ORC4: variants seen among roughly 807,000 people sequenced by gnomAD.
ORC4 encodes origin recognition complex subunit 4, also known as origin recognition complex, subunit 4 homolog.
Under a neutral mutation model 63.9 loss-of-function variants are expected in ORC4, and 55 were observed. The ratio of observed to expected loss-of-function variants is 0.86; its 90% CI spans 0.69 to 1.08. ORC4 has a LOEUF of 1.08. ORC4 is among the 50% of genes least tolerant of loss of function. The pLI is 0.00. For synonymous variants in ORC4, 150 were observed against 168.5 expected, an observed-to-expected ratio of 0.89 and a Z score of 0.85; for missense variants, 511 against 504.4, an observed-to-expected ratio of 1.01 and a Z score of -0.13.
At chr2:147,945,090 T>C (rs1688584836) in intron 9 of ORC4, among the ~76,000 whole-genome samples, 1 of 152,102 alleles carries the variant, frequency 6.6e-6, no homozygotes. Context: ...AGGCAAACTA[T>C]AGTCTTGGTT....
chr2:147,948,312 C>T (rs944681197), intron 8 of ORC4, 88 bp from the exon 9 acceptor site: 2 of 796,114 alleles, frequency 2.5e-6, no homozygotes, highest in Admixed American at 2.4e-5. Flanking sequence ...TATAAGTAAA[C>T]TATCACCTAT....
At chr2:147,967,714 A>G (rs1479090034) in intron 4 of ORC4, among the ~76,000 whole-genome samples, 1 of 152,092 alleles carries the variant, frequency 6.6e-6, no homozygotes, top group Non-Finnish European at 1.5e-5. Context: ...TGTTAAAATT[A>G]CTATATTACC....
At chr2:147,976,829 T>TA (rs1273620150) in intron 1 of ORC4, among the ~76,000 whole-genome samples, 1 of 152,136 alleles carries the variant, frequency 6.6e-6, no homozygotes, top group Non-Finnish European at 1.5e-5. Context: ...CTAAGCATTG[T>TA]AGCATAATGC....
chr2:148,004,241 C>T (rs1051128865), intron 1 of ORC4, among the ~76,000 whole-genome samples: 2 of 152,114 alleles, frequency 1.3e-5, no homozygotes, highest in Middle Eastern at 3.4e-3. Flanking sequence ...ACTTTCTTCA[C>T]AGAATTAGAA....
chr2:147,947,931 A>T, intron 9 of ORC4, 120 bp downstream of exon 9: 1 of 772,832 alleles, frequency 1.3e-6, no homozygotes. Context: ...GTATTACTGC[A>T]GCATTATCCT....
At chr2:147,981,072 A>G (rs1229566299) in intron 1 of ORC4, among the ~76,000 whole-genome samples, 2 of 152,242 alleles carry the variant, frequency 1.3e-5, no homozygotes, top group African/African-American at 4.8e-5. Flanking sequence ...TTGCAGCAAC[A>G]TAGATGCATT....
rs1277779120 is a variant in ORC4 at position 147,931,121 on chromosome 2, C to G, written c.*4389G>C. ...AATATGCGGTGTTTGGTTTTTTGTT[C>G]TTGTGATAGTTTACTGAGAATGATG... On this transcript the variant is annotated 3_prime_UTR_variant, in exon 14 of 14. Transcript: ENST00000392857. The G allele has an allele frequency of 6.9e-6, 1 of 145,620 alleles. No individual in the cohort carries two copies. The highest frequency in any genetic ancestry group is 1.5e-5 in the Non-Finnish European group (1 of 66,732). The allele number at this position is 145,620 out of a possible 1,614,324, so 9.0% of individuals were successfully genotyped here.
chr2:147,997,791 A>T (rs1002068198), intron 1 of ORC4, among the ~76,000 whole-genome samples: 1 of 152,184 alleles, frequency 6.6e-6, no homozygotes, highest in Non-Finnish European at 1.5e-5. Flanking sequence ...TAACTTTAAA[A>T]ATTTTCTTGC....
chr2:148,021,027 G>T (rs561107364), upstream of ORC4: 4 of 152,042 alleles, frequency 2.6e-5, no homozygotes, highest in East Asian at 7.9e-4. Context: ...CCAGCCACCC[G>T]TCAGAGAGGG....
Position 147,933,284 on chromosome 2 carries a change from T to C in ORC4, c.*2226A>G, listed in dbSNP as rs1268902520. 1.3e-5 allele frequency: 2 copies of C among 152,086 alleles called. No individual in the cohort carries two copies. The highest frequency in any genetic ancestry group is 4.8e-5 in the African/African-American group (2 of 41,436). The allele number at this position is 152,086 out of a possible 1,614,324, so 9.4% of individuals were successfully genotyped here. A position where few individuals can be genotyped will look rare whatever the true frequency, so the allele number is the denominator to read the frequency against. On this transcript the variant is annotated 3_prime_UTR_variant, in exon 14 of 14. Coordinates refer to ENST00000392857, the MANE Select transcript of ORC4 (RefSeq NM_181741.4). ...GGTTTTTCATATTTGTTTTTATTGA[T>C]GACAATTAAAGCAATTTAAGAGACG... is the stretch of plus-strand genomic sequence containing the variant.
chr2:147,989,343 T>TA (rs778226263), intron 1 of ORC4, among the ~76,000 whole-genome samples: 7 of 152,180 alleles, frequency 4.6e-5, no homozygotes, highest in Non-Finnish European at 1.0e-4. Flanking sequence ...TGGGCCTGCA[T>TA]ACCTCAGAGC....
In ORC4 at chr2:147,935,303, T is replaced by A. The variant is rs572171591; in HGVS notation, c.*207A>T. 149 of 582,592 alleles carry A rather than the reference T, an allele frequency of 2.6e-4. No individual in the cohort carries two copies. The highest frequency in any genetic ancestry group is 2.5e-3 in the African/African-American group (135 of 53,766). The allele number at this position is 582,592 out of a possible 1,614,324, so 36.1% of individuals were successfully genotyped here. A position where few individuals can be genotyped will look rare whatever the true frequency, so the allele number is the denominator to read the frequency against. ...TATTTTATTCTTCTGAACAGCTACT[T>A]ACAAAGTAATCTCAATCAGTGAAAT... On this transcript the variant is annotated 3_prime_UTR_variant, in exon 14 of 14. Transcript: ENST00000392857.
chr2:148,011,928 T>C (rs553024280), intron 1 of ORC4, among the ~76,000 whole-genome samples: 6 of 151,994 alleles, frequency 3.9e-5, no homozygotes, highest in South Asian at 2.1e-4. Context: ...CTATCAAACA[T>C]TGATGAAATT....
intron 4 of ORC4, among the ~76,000 whole-genome samples, chr2:147,961,295 C>T (rs1689574715): frequency 6.6e-6 from 1 of 151,764 alleles, no homozygotes; most frequent in Admixed American, 6.6e-5. Context: ...AAAAACTTAG[C>T]TGGGTGTGGT....
intron 1 of ORC4, among the ~76,000 whole-genome samples, chr2:148,002,479 T>A (rs1692377105): frequency 6.6e-6 from 1 of 151,976 alleles, no homozygotes. Flanking sequence ...TGCACAACTA[T>A]GTGGAAACTG....
At chr2:148,010,608 C>T (rs1333135839) in intron 1 of ORC4, among the ~76,000 whole-genome samples, 1 of 152,028 alleles carries the variant, frequency 6.6e-6, no homozygotes, top group Non-Finnish European at 1.5e-5. Context: ...CGAATAAATT[C>T]CTAGGCACAT....
chr2:147,985,877 C>T (rs1430543055), intron 1 of ORC4, among the ~76,000 whole-genome samples: 2 of 152,014 alleles, frequency 1.3e-5, no homozygotes, highest in African/African-American at 4.8e-5. Context: ...GCTGTTAGGT[C>T]TATTGACTCC....
chr2:147,983,045 T>A (rs1350996344), intron 1 of ORC4, among the ~76,000 whole-genome samples: 1 of 152,110 alleles, frequency 6.6e-6, no homozygotes, highest in African/African-American at 2.4e-5. Flanking sequence ...CACACACTGA[T>A]TAAGGCAGCT....
At chr2:147,998,469 G>A (rs1027682848) in intron 1 of ORC4, among the ~76,000 whole-genome samples, 6 of 152,164 alleles carry the variant, frequency 3.9e-5, no homozygotes, top group Non-Finnish European at 5.9e-5. Flanking sequence ...CTGGCGAATG[G>A]CTTAGTTCCT....
Sources: gnomAD v4.1 joint callset for allele counts (sites outside exome capture counted in the v4.1 genomes callset) on GRCh38, gnomAD v4.1.1 for gene constraint, MANE v1.5 for transcripts, NCBI Gene and HGNC (gene_info 2026-07-23, HGNC 2026-07-21) for gene names.